The following CSTPP1 variants were observed in gnomAD, a reference collection of about 807,000 sequenced individuals.
The protein encoded by CSTPP1 is UPF0705 protein C11orf49.
At chr11:46,955,810 G>A in the CSTPP1 span, among the ~76,000 whole-genome samples, 7 of 151,222 alleles carry the variant, frequency 4.6e-5, no homozygotes, top group East Asian at 2.0e-4. Flanking sequence ...TGGACAACAC[G>A]GTGAAACCCC....
chr11:47,006,270 G>GA, the CSTPP1 span, among the ~76,000 whole-genome samples: 1 of 152,048 alleles, frequency 6.6e-6, no homozygotes. Context: ...ATAAATTCTA[G>GA]GTTGGCAGCT....
the CSTPP1 span, among the ~76,000 whole-genome samples, chr11:47,143,653 G>T: frequency 2.7e-4 from 41 of 152,294 alleles, no homozygotes; most frequent in Middle Eastern, 0.01. Context: ...GCAGCAACTG[G>T]AGTAGTTCTT....
At chr11:47,094,922 G>A in the CSTPP1 span, among the ~76,000 whole-genome samples, 37 of 152,232 alleles carry the variant, frequency 2.4e-4, no homozygotes, top group Admixed American at 8.5e-4. Flanking sequence ...GATTATGAAA[G>A]GTCATCTTTT....
At chr11:46,952,051 A>G in the CSTPP1 span, among the ~76,000 whole-genome samples, 1 of 152,272 alleles carries the variant, frequency 6.6e-6, no homozygotes, top group East Asian at 1.9e-4. Flanking sequence ...AGCTGGTGTT[A>G]TAAAAACAAA....
chr11:47,004,866 A>G, the CSTPP1 span, among the ~76,000 whole-genome samples: 1 of 152,178 alleles, frequency 6.6e-6, no homozygotes. Flanking sequence ...GAAGCTGTTT[A>G]TCTATGCTTG....
At chr11:47,123,532 C>T in the CSTPP1 span, among the ~76,000 whole-genome samples, 6 of 152,304 alleles carry the variant, frequency 3.9e-5, no homozygotes, top group East Asian at 9.6e-4. Flanking sequence ...TCTTGCTCCT[C>T]TAATGGTTAT....
the CSTPP1 span, among the ~76,000 whole-genome samples, chr11:47,123,749 C>A: frequency 6.6e-6 from 1 of 152,126 alleles, no homozygotes; most frequent in Non-Finnish European, 1.5e-5. Flanking sequence ...GCCCGTAATC[C>A]CAACACTTTG....
At chr11:47,132,865 TCTCAGCC>T in the CSTPP1 span, among the ~76,000 whole-genome samples, 1 of 152,192 alleles carries the variant, frequency 6.6e-6, no homozygotes, top group Non-Finnish European at 1.5e-5. Context: ...TAGGTCTGAA[TCTCAGCC>T]CTCTTCCTAG....
At chr11:46,993,134 G>A in the CSTPP1 span, among the ~76,000 whole-genome samples, 1 of 152,094 alleles carries the variant, frequency 6.6e-6, no homozygotes, top group African/African-American at 2.4e-5. Flanking sequence ...ATTCTGGATA[G>A]TAGCCCTTTG....
the CSTPP1 span, among the ~76,000 whole-genome samples, chr11:46,952,105 G>A: frequency 6.6e-6 from 1 of 152,174 alleles, no homozygotes; most frequent in East Asian, 1.9e-4. Context: ...CTCCCTCCCA[G>A]TGCAATGGCT....
chr11:47,088,298 T>C, the CSTPP1 span, among the ~76,000 whole-genome samples: 4 of 152,228 alleles, frequency 2.6e-5, no homozygotes, highest in Admixed American at 1.3e-4. Context: ...ATGGCAGTTG[T>C]TATTCTACTA....
chr11:47,063,008 G>T, the CSTPP1 span, among the ~76,000 whole-genome samples: 1 of 152,158 alleles, frequency 6.6e-6, no homozygotes, highest in Non-Finnish European at 1.5e-5. Context: ...TTCCCTGCGC[G>T]TCTGTAGGCA....
the CSTPP1 span, among the ~76,000 whole-genome samples, chr11:46,951,485 A>C: frequency 6.6e-6 from 1 of 151,410 alleles, no homozygotes; most frequent in African/African-American, 2.4e-5. Context: ...TTTGTTTGTT[A>C]TGTTGCCCAG....
the CSTPP1 span, among the ~76,000 whole-genome samples, chr11:47,045,850 C>CA: frequency 6.6e-6 from 1 of 151,646 alleles, no homozygotes; most frequent in African/African-American, 2.4e-5. Flanking sequence ...GCAGTGGTGC[C>CA]ATCTAGGCTC....
chr11:46,970,778 A>C, the CSTPP1 span, among the ~76,000 whole-genome samples: 165 of 152,304 alleles, frequency 1.1e-3, no homozygotes, highest in Middle Eastern at 0.01. Flanking sequence ...AATTTATGTT[A>C]CAGTCCTGTC....
the CSTPP1 span, among the ~76,000 whole-genome samples, chr11:47,001,701 A>G: frequency 2.0e-5 from 3 of 152,254 alleles, no homozygotes; most frequent in Admixed American, 1.3e-4. Context: ...TTTAAGCCCT[A>G]TGAAAAGATG....
chr11:46,997,053 G>A, the CSTPP1 span, among the ~76,000 whole-genome samples: 2 of 152,128 alleles, frequency 1.3e-5, no homozygotes, highest in African/African-American at 2.4e-5. Context: ...TCTTCTCGAG[G>A]AGTATCTTTG....
chr11:46,948,672 C>T, the CSTPP1 span, among the ~76,000 whole-genome samples: 1 of 152,140 alleles, frequency 6.6e-6, no homozygotes, highest in Admixed American at 6.5e-5. Context: ...TTTATACACT[C>T]CTCATGACAT....
chr11:47,018,763 A>G, the CSTPP1 span, among the ~76,000 whole-genome samples: 1 of 152,056 alleles, frequency 6.6e-6, no homozygotes, highest in Non-Finnish European at 1.5e-5. Flanking sequence ...TGTGGTCTTG[A>G]TTTGCATTTC....
Sources: allele counts gnomAD v4.1 joint callset (sites outside exome capture counted in the v4.1 genomes callset), GRCh38; gene constraint gnomAD v4.1.1; transcripts MANE v1.5; gene names NCBI Gene and HGNC (gene_info 2026-07-23, HGNC 2026-07-21).